Variants in ZNF385D observed in about 807,000 individuals in gnomAD.
ZNF385D encodes zinc finger protein 385D.
Under a neutral mutation model 35.8 loss-of-function variants are expected in ZNF385D, and 15 were observed. The ratio of observed to expected loss-of-function variants is 0.42; its 90% CI spans 0.28 to 0.64. The LOEUF (loss-of-function observed/expected upper bound fraction) is 0.64. Ranked by LOEUF, ZNF385D falls within the 30% of genes least tolerant of loss-of-function variation. The pLI is 0.23. For synonymous variants in ZNF385D, 212 were observed against 186.8 expected, an observed-to-expected ratio of 1.13 and a Z score of -1.10; for missense variants, 474 against 494.6, an observed-to-expected ratio of 0.96 and a Z score of 0.39.
At chr3:21,639,722 C>T (rs1165710999) in intron 2 of ZNF385D, among the ~76,000 whole-genome samples, 1 of 151,970 alleles carries the variant, frequency 6.6e-6, no homozygotes, top group Admixed American at 6.6e-5. Flanking sequence ...TAATGAAATT[C>T]TCTATATTGT....
At chr3:21,751,573 G>C, upstream of ZNF385D, 1 of 370,824 alleles carries the variant, frequency 2.7e-6, no homozygotes, top group South Asian at 1.1e-4. Context: ...AGTACGAAGA[G>C]GGATGGTGCC....
At chr3:21,686,618 G>A (rs907380759) in intron 1 of ZNF385D, among the ~76,000 whole-genome samples, 2 of 152,090 alleles carry the variant, frequency 1.3e-5, no homozygotes, top group Admixed American at 6.6e-5. Context: ...CATGTACAAA[G>A]CCTTTGAAAA....
At chr3:21,761,666 A>G (rs906532787) in intron 3 of ZNF385D, among the ~76,000 whole-genome samples, 2 of 152,134 alleles carry the variant, frequency 1.3e-5, no homozygotes, top group Admixed American at 6.5e-5. Context: ...AGGAGTGAAG[A>G]GTGCATGTCA....
At chr3:22,118,752 CAGTCAT>C (rs1702936809) in intron 3 of ZNF385D, among the ~76,000 whole-genome samples, 1 of 151,976 alleles carries the variant, frequency 6.6e-6, no homozygotes, top group African/African-American at 2.4e-5. Flanking sequence ...CTTCTGTTAA[CAGTCAT>C]AGTTCTGGGT....
intron 2 of ZNF385D, among the ~76,000 whole-genome samples, chr3:22,279,738 T>A (rs1701640985): frequency 6.6e-6 from 1 of 151,810 alleles, no homozygotes; most frequent in South Asian, 2.1e-4. Flanking sequence ...ATTCTGCTGC[T>A]ATAAATATGC....
chr3:21,678,877 T>C (rs1195394853), intron 1 of ZNF385D, among the ~76,000 whole-genome samples: 1 of 152,132 alleles, frequency 6.6e-6, no homozygotes, highest in African/African-American at 2.4e-5. Flanking sequence ...TTTGCTTGCC[T>C]ATTTATACAG....
chr3:22,078,405 T>C (rs1700576909), intron 3 of ZNF385D, among the ~76,000 whole-genome samples: 1 of 152,054 alleles, frequency 6.6e-6, no homozygotes, highest in African/African-American at 2.4e-5. Context: ...AACCATGCAG[T>C]GCTACCATCA....
chr3:22,165,818 C>A (rs940428212), intron 3 of ZNF385D, among the ~76,000 whole-genome samples: 11 of 152,138 alleles, frequency 7.2e-5, no homozygotes, highest in Non-Finnish European at 1.5e-4. Context: ...ATCCCACAGG[C>A]CAGGGTCCTT....
chr3:21,441,780 TCTTA>T (rs1701873081), intron 4 of ZNF385D: 1 of 975,448 alleles, frequency 1.0e-6, no homozygotes, highest in Non-Finnish European at 1.2e-6. Context: ...GATTCGCTTT[TCTTA>T]CTGTTTCCCA....
intron 2 of ZNF385D, among the ~76,000 whole-genome samples, chr3:22,238,089 T>C (rs908302761): frequency 1.6e-4 from 24 of 151,110 alleles, no homozygotes; most frequent in Non-Finnish European, 3.5e-4. Context: ...TGTAGTCTTG[T>C]TAAAAAAACA....
chr3:21,980,193 C>G (rs770006117), intron 3 of ZNF385D, among the ~76,000 whole-genome samples: 1 of 152,126 alleles, frequency 6.6e-6, no homozygotes, highest in African/African-American at 2.4e-5. Flanking sequence ...ACTTTCTTGG[C>G]ATGTGAATGA....
At chr3:21,438,161 T>A (rs1701667290) in intron 4 of ZNF385D, among the ~76,000 whole-genome samples, 1 of 152,148 alleles carries the variant, frequency 6.6e-6, no homozygotes, top group African/African-American at 2.4e-5. Context: ...ACGTTAGCAA[T>A]GTTTGCCATA....
intron 3 of ZNF385D, among the ~76,000 whole-genome samples, chr3:21,763,126 T>C (rs747623266): frequency 5.7e-4 from 86 of 152,092 alleles, no homozygotes; most frequent in Non-Finnish European, 9.3e-4. Context: ...GCTCTTGAAA[T>C]TGATGGACAG....
intron 1 of ZNF385D, among the ~76,000 whole-genome samples, chr3:21,696,129 C>G (rs1207520316): frequency 1.3e-5 from 2 of 152,156 alleles, no homozygotes; most frequent in Admixed American, 1.3e-4. Flanking sequence ...CCAAGGCCAT[C>G]AGAGTGTACT....
chr3:22,021,225 T>C (rs1010448742), intron 3 of ZNF385D, among the ~76,000 whole-genome samples: 1 of 151,678 alleles, frequency 6.6e-6, no homozygotes, highest in South Asian at 2.1e-4. Flanking sequence ...TGAAACAAAA[T>C]AGTACTTGTA....
intron 3 of ZNF385D, among the ~76,000 whole-genome samples, chr3:22,130,741 T>A (rs1164704768): frequency 6.6e-6 from 1 of 152,158 alleles, no homozygotes; most frequent in African/African-American, 2.4e-5. Flanking sequence ...TCTTTCCTGC[T>A]TCTTTCCTTG....
At chr3:21,515,865 C>T (rs1056843977) in intron 3 of ZNF385D, among the ~76,000 whole-genome samples, 3 of 152,200 alleles carry the variant, frequency 2.0e-5, no homozygotes, top group Admixed American at 2.0e-4. Flanking sequence ...TAATCCTTTA[C>T]TGCACAGGAG....
intron 3 of ZNF385D, among the ~76,000 whole-genome samples, chr3:21,776,619 G>T (rs149024507): frequency 1.2e-3 from 179 of 151,770 alleles, no homozygotes; most frequent in African/African-American, 4.2e-3. Context: ...CTTACCTAAG[G>T]TACTTAATGT....
chr3:21,974,422 A>G (rs1044749591), intron 3 of ZNF385D, among the ~76,000 whole-genome samples: 3 of 152,044 alleles, frequency 2.0e-5, no homozygotes, highest in Non-Finnish European at 4.4e-5. Context: ...CAAAAATCAT[A>G]CCAAAATGGA....
Sources: gnomAD v4.1 joint callset for allele counts (sites outside exome capture counted in the v4.1 genomes callset) on GRCh38, gnomAD v4.1.1 for gene constraint, MANE v1.5 for transcripts, NCBI Gene and HGNC (gene_info 2026-07-23, HGNC 2026-07-21) for gene names.